BCOR: variants seen among roughly 807,000 people sequenced by gnomAD.
The protein encoded by BCOR is BCL6 corepressor.
Under a neutral mutation model 86.7 loss-of-function variants are expected in BCOR, and 10 were observed. That is an observed-to-expected ratio of 0.12 (90% CI 0.07 to 0.20). The LOEUF is 0.20. Ranked by LOEUF, BCOR falls within the 10% of genes least tolerant of loss-of-function variation. BCOR has a pLI of 1.00. For synonymous variants in BCOR, 611 were observed against 609.0 expected, an observed-to-expected ratio of 1.00 and a Z score of -0.05; for missense variants, 1,259 against 1,452.1, an observed-to-expected ratio of 0.87 and a Z score of 2.16.
chrX:40,174,145 G>A (rs1938691366), intron 1 of BCOR, among the ~76,000 whole-genome samples: 1 of 112,750 alleles, frequency 8.9e-6, no homozygotes, highest in African/African-American at 3.2e-5. Context: ...CAACGCAAAT[G>A]GCCTTTGCCT....
At chrX:40,101,455 GA>G (rs1937072841), upstream of BCOR, among the ~76,000 whole-genome samples, 2 of 113,362 alleles carry the variant, frequency 1.8e-5, no homozygotes, top group East Asian at 2.8e-4. Flanking sequence ...AGGTGCTGCG[GA>G]TGGAGCAGCG....
intron 6 of BCOR, among the ~76,000 whole-genome samples, chrX:40,070,755 C>A (rs1027667097): frequency 1.8e-5 from 2 of 111,843 alleles, no homozygotes; most frequent in Non-Finnish European, 3.8e-5. Flanking sequence ...TGCTACACTG[C>A]GTTATATTAG....
intron 1 of BCOR, among the ~76,000 whole-genome samples, chrX:40,087,225 T>G (rs946973530): frequency 2.7e-5 from 3 of 113,124 alleles, no homozygotes; most frequent in African/African-American, 9.6e-5. Context: ...CTCCTGTCTT[T>G]CGGAAATTGC....
In BCOR at chrX:40,064,573, G is replaced by C; in HGVS notation, c.3265C>G (p.Arg1089Gly). 1 of 1,211,776 alleles carries C rather than the reference G, an allele frequency of 8.3e-7. No homozygotes were observed. The highest frequency in any genetic ancestry group is 1.1e-6 in the Non-Finnish European group (1 of 895,383). Residue 1089 changes from arginine (R) to glycine (G), a missense_variant, in exon 7 of 15, where the codon CGT (arginine) becomes GGT (glycine). By Grantham distance (125) the Arg-to-Gly change is moderately radical. Around this residue, in one of 7 missense-constraint regions of BCOR, gnomAD observed 305 missense variants for 286.1 expected, o/e 1.07. Coordinates refer to ENST00000378444, the MANE Select transcript of BCOR (RefSeq NM_001123385.2). ...TCCTCTGGGGCTTCAAAGGGATCAC[G>C]GTGCTTGTTTCCAACACTATACTCG... is the stretch of plus-strand genomic sequence containing the variant. ...RCEYSVGNKHRDPFEAPEDKD... is the reference protein window; with the variant it reads ...RCEYSVGNKHGDPFEAPEDKD...
At chrX:40,094,459 G>A (rs1265138729) in intron 1 of BCOR, among the ~76,000 whole-genome samples, 1 of 113,016 alleles carries the variant, frequency 8.8e-6, no homozygotes, top group Non-Finnish European at 1.9e-5. Flanking sequence ...AGCGCACCAC[G>A]GGTCCTCTCC....
intron 1 of BCOR, among the ~76,000 whole-genome samples, chrX:40,085,286 G>A (rs1936308049): frequency 8.9e-6 from 1 of 112,513 alleles, no homozygotes; most frequent in Admixed American, 9.4e-5. Context: ...CTCCTCACAT[G>A]CACAAGTCTA....
intron 1 of BCOR, among the ~76,000 whole-genome samples, chrX:40,089,147 T>C (rs1208472535): frequency 9.0e-6 from 1 of 111,553 alleles, no homozygotes; most frequent in African/African-American, 3.3e-5. Flanking sequence ...AGGAGCAACC[T>C]ATAGGAACAT....
At chrX:40,100,830 C>T (rs540154330), upstream of BCOR, among the ~76,000 whole-genome samples, 19 of 110,106 alleles carry the variant, frequency 1.7e-4, no homozygotes, top group East Asian at 4.5e-3. Context: ...ATGCTGGAGA[C>T]AAACAGGCCA....
At chrX:40,139,482 TATATATATATATATA>T (rs1381974707) in intron 1 of BCOR, among the ~76,000 whole-genome samples, 4 of 15,183 alleles carry the variant, frequency 2.6e-4, no homozygotes, top group Non-Finnish European at 3.7e-4. Context: ...TATATATATA[TATATATATATATATA>T]TTTTTTTTTT....
intron 6 of BCOR, 45 bp downstream of exon 6, chrX:40,070,928 A>T: frequency 8.5e-7 from 1 of 1,171,303 alleles, no homozygotes; most frequent in South Asian, 1.8e-5. Flanking sequence ...GCAGATGCCA[A>T]CCGGACCTGA....
chrX:40,134,350 G>A lies in BCOR; in HGVS notation c.-41+42657C>T, dbSNP rs1004159510. On this transcript the variant is annotated intron_variant, in intron 1 of 14. Transcript: ENST00000342274. ...TTACAGATCAAGGACATGGTCAGGC[G>A]TGGTGGCTCACACTTGTAATCCCAG... 4.5e-5 allele frequency among the ~76,000 whole-genome samples: 5 copies of A among 112,012 alleles called. No homozygotes were observed. The East Asian group carries it at 1.4e-3, about 31-fold the overall frequency.
At chrX:40,172,793 G>A (rs1025635554) in intron 1 of BCOR, among the ~76,000 whole-genome samples, 1 of 112,995 alleles carries the variant, frequency 8.8e-6, no homozygotes, top group Non-Finnish European at 1.9e-5. Flanking sequence ...GGAGCCAGGG[G>A]ACTGGTGTGA....
At chrX:40,104,961 C>T (rs1385288535) in intron 1 of BCOR, among the ~76,000 whole-genome samples, 4 of 109,959 alleles carry the variant, frequency 3.6e-5, no homozygotes. Flanking sequence ...GAGCTGCGGG[C>T]GGAGGTGCGG....
chrX:40,157,553 G>A (rs1938323575), intron 1 of BCOR, among the ~76,000 whole-genome samples: 1 of 112,606 alleles, frequency 8.9e-6, no homozygotes, highest in African/African-American at 3.2e-5. Flanking sequence ...CTCTCAAGCT[G>A]AGCTGATAAA....
intron 1 of BCOR, among the ~76,000 whole-genome samples, chrX:40,080,851 TGTGTGTGTGTGTG>T: frequency 2.0e-5 from 2 of 102,548 alleles, no homozygotes; most frequent in African/African-American, 7.7e-5. Context: ...TGTGTGTGTG[TGTGTGTGTGTGTG>T]TTTTGGGAGG....
intron 1 of BCOR, among the ~76,000 whole-genome samples, chrX:40,170,331 T>C (rs751565475): frequency 5.5e-5 from 6 of 109,323 alleles, no homozygotes; most frequent in Non-Finnish European, 1.1e-4. Context: ...TTTATATTCT[T>C]CTTCCGGTTT....
At chrX:40,078,485 G>T (rs1441479533) in intron 1 of BCOR, among the ~76,000 whole-genome samples, 1 of 111,677 alleles carries the variant, frequency 9.0e-6, no homozygotes, top group Non-Finnish European at 1.9e-5. Context: ...CAAACTACCT[G>T]CGTTTCTAGG....
At chrX:40,130,350 T>A (rs1407840256) in intron 1 of BCOR, among the ~76,000 whole-genome samples, 1 of 112,101 alleles carries the variant, frequency 8.9e-6, no homozygotes, top group African/African-American at 3.2e-5. Context: ...CTGGGAGGTT[T>A]CCCCTGGTCT....
In BCOR at chrX:40,126,020, G is replaced by A. The variant is rs190595711; in HGVS notation, c.-40-48051C>T. Among the ~76,000 whole-genome samples, 797 of 108,600 alleles carry A rather than the reference G, an allele frequency of 7.3e-3. 7 individuals are homozygous for A. Among genetic ancestry groups the A allele is most frequent in the African/African-American group, 0.025 (752 of 29,765 alleles). 94.3% of individuals were successfully genotyped at this position (108,600 alleles called of 115,157 possible). A position where few individuals can be genotyped will look rare whatever the true frequency, so the allele number is the denominator to read the frequency against. On this transcript the variant is annotated intron_variant, in intron 1 of 14. Coordinates refer to the BCOR transcript ENST00000342274. ...AGGTCGAGAGATTGAGACCATCCTGGCCAACATGGTGAAACCCCGTCTCTA... is the reference window on the plus strand; with the variant it reads ...AGGTCGAGAGATTGAGACCATCCTGACCAACATGGTGAAACCCCGTCTCTA...
Sources: gnomAD v4.1 joint callset for allele counts (sites outside exome capture counted in the v4.1 genomes callset) on GRCh38, gnomAD v4.1.1 for gene constraint, gnomAD v4.1.1 regional missense constraint, MANE v1.5 for transcripts, NCBI Gene and HGNC (gene_info 2026-07-23, HGNC 2026-07-21) for gene names.